GRID1: variants seen among roughly 807,000 people sequenced by gnomAD.
GRID1 encodes the protein glutamate receptor ionotropic, delta-1.
Under a neutral mutation model 98.0 loss-of-function variants are expected in GRID1, and 28 were observed. The ratio of observed to expected loss-of-function variants is 0.29; its 90% CI spans 0.21 to 0.39. The LOEUF (loss-of-function observed/expected upper bound fraction) is 0.39, where lower values mean the gene tolerates loss of function less well. Among genes scored for constraint, GRID1 ranks in the 10% least tolerant of loss-of-function variants. GRID1 has a pLI of 1.00. For synonymous variants in GRID1, 553 were observed against 538.5 expected, an observed-to-expected ratio of 1.03 and a Z score of -0.37; for missense variants, 1,111 against 1,340.5, an observed-to-expected ratio of 0.83 and a Z score of 2.67.
chr10:85,926,931 A>G (rs1841781917), intron 4 of GRID1, among the ~76,000 whole-genome samples: 1 of 152,214 alleles, frequency 6.6e-6, no homozygotes, highest in African/African-American at 2.4e-5. Context: ...CATTTGTGTA[A>G]AGAACCCTGT....
intron 2 of GRID1, among the ~76,000 whole-genome samples, chr10:86,329,046 C>T (rs1198303529): frequency 6.6e-6 from 1 of 152,194 alleles, no homozygotes; most frequent in African/African-American, 2.4e-5. Flanking sequence ...GTGACCATAT[C>T]CAAGAAGGCC....
At chr10:85,625,078 C>T (rs771151394) in intron 13 of GRID1, among the ~76,000 whole-genome samples, 10 of 152,138 alleles carry the variant, frequency 6.6e-5, no homozygotes, top group East Asian at 5.8e-4. Flanking sequence ...TTGATAGATA[C>T]GGTATTATTA....
At chr10:85,719,924 G>A (rs761376463) in intron 12 of GRID1, among the ~76,000 whole-genome samples, 14 of 152,060 alleles carry the variant, frequency 9.2e-5, no homozygotes, top group Non-Finnish European at 2.1e-4. Context: ...ATCCGTGAAA[G>A]AACAAATTTC....
At chr10:85,703,573 G>A (rs1030166491) in intron 12 of GRID1, among the ~76,000 whole-genome samples, 1 of 152,016 alleles carries the variant, frequency 6.6e-6, no homozygotes, top group Non-Finnish European at 1.5e-5. Flanking sequence ...CTTACATAAG[G>A]AGAGATATGA....
intron 2 of GRID1, among the ~76,000 whole-genome samples, chr10:86,280,332 A>G (rs1160496915): frequency 2.6e-5 from 4 of 152,220 alleles, no homozygotes; most frequent in Non-Finnish European, 4.4e-5. Context: ...AATTTCCACC[A>G]TGACAACTTA....
At chr10:86,161,007 GA>G (rs1394198547) in intron 3 of GRID1, among the ~76,000 whole-genome samples, 2 of 152,208 alleles carry the variant, frequency 1.3e-5, no homozygotes, top group African/African-American at 4.8e-5. Context: ...ACTCAAGAAT[GA>G]GGGTGTTCTT....
chr10:85,740,878 A>G (rs1841936222), intron 8 of GRID1, among the ~76,000 whole-genome samples: 1 of 151,714 alleles, frequency 6.6e-6, no homozygotes, highest in African/African-American at 2.4e-5. Flanking sequence ...CAGCCTCCCG[A>G]GTAGCTGGGA....
intron 5 of GRID1, among the ~76,000 whole-genome samples, chr10:85,877,029 C>G (rs1188367713): frequency 6.6e-6 from 1 of 152,234 alleles, no homozygotes; most frequent in Non-Finnish European, 1.5e-5. Flanking sequence ...TGAGATCAAA[C>G]TGCAAGGCGG....
chr10:85,619,703 G>A (rs1053235310), intron 14 of GRID1, among the ~76,000 whole-genome samples, 164 bp downstream of exon 14: 2 of 152,218 alleles, frequency 1.3e-5, no homozygotes, highest in Non-Finnish European at 2.9e-5. Context: ...CTTCCACAGG[G>A]TCTGAGGGTA....
chr10:86,246,484 G>A (rs536541145), intron 2 of GRID1, among the ~76,000 whole-genome samples: 9 of 152,248 alleles, frequency 5.9e-5, no homozygotes, highest in East Asian at 1.9e-4. Flanking sequence ...ACCACAACCC[G>A]GCCGCACCTG....
At chr10:86,100,903 AG>A (rs2131944775) in intron 4 of GRID1, among the ~76,000 whole-genome samples, 1 of 152,296 alleles carries the variant, frequency 6.6e-6, no homozygotes, top group African/African-American at 2.4e-5. Flanking sequence ...AGCCTGGATG[AG>A]GCACCTCCAC....
chr10:86,307,071 T>C (rs150498770), intron 2 of GRID1, among the ~76,000 whole-genome samples: 86 of 152,258 alleles, frequency 5.6e-4, no homozygotes, highest in African/African-American at 1.9e-3. Context: ...AAATGGAAGC[T>C]TTGCACACTG....
At chr10:85,616,433 A>T (rs1293318138) in intron 14 of GRID1, among the ~76,000 whole-genome samples, 1 of 152,134 alleles carries the variant, frequency 6.6e-6, no homozygotes, top group Middle Eastern at 3.2e-3. Flanking sequence ...GGGGATGGTG[A>T]GGCTCTGGCC....
At chr10:85,885,677 G>T (rs1223168612) in intron 5 of GRID1, among the ~76,000 whole-genome samples, 1 of 152,110 alleles carries the variant, frequency 6.6e-6, no homozygotes. Flanking sequence ...AATAATAGAA[G>T]AAGTAATTGA....
chr10:86,182,090 A>G (rs1003450906), intron 3 of GRID1, among the ~76,000 whole-genome samples: 1 of 152,190 alleles, frequency 6.6e-6, no homozygotes, highest in Non-Finnish European at 1.5e-5. Context: ...TCAATTCCAC[A>G]TCAGTCTCCG....
chr10:86,349,027 T>C (rs1224985058), intron 2 of GRID1, among the ~76,000 whole-genome samples: 1 of 152,228 alleles, frequency 6.6e-6, no homozygotes, highest in East Asian at 1.9e-4. Context: ...CTGCTGGCTA[T>C]GTCCTCACAG....
chr10:85,997,269 G>A (rs1243000555), intron 4 of GRID1, among the ~76,000 whole-genome samples: 1 of 152,004 alleles, frequency 6.6e-6, no homozygotes, highest in African/African-American at 2.4e-5. Flanking sequence ...GTGTGGTAGT[G>A]GGCACCTGTA....
intron 4 of GRID1, among the ~76,000 whole-genome samples, chr10:86,023,490 T>G (rs1186667455): frequency 6.6e-6 from 1 of 152,126 alleles, no homozygotes; most frequent in Non-Finnish European, 1.5e-5. Context: ...CAGTTTTCCC[T>G]CTAAACCTTC....
chr10:85,619,494 C>T (rs1020616208), intron 14 of GRID1, among the ~76,000 whole-genome samples: 2 of 152,246 alleles, frequency 1.3e-5, no homozygotes, highest in Non-Finnish European at 2.9e-5. Context: ...CCTCCTCATT[C>T]TTCCAGCTTC....
Sources: gnomAD v4.1 joint callset for allele counts (sites outside exome capture counted in the v4.1 genomes callset) on GRCh38, gnomAD v4.1.1 for gene constraint, MANE v1.5 for transcripts, NCBI Gene and HGNC (gene_info 2026-07-23, HGNC 2026-07-21) for gene names.